Variants in NODAL observed in about 807,000 individuals in gnomAD.
NODAL encodes the protein nodal homolog.
A neutral mutation model predicts 34.0 loss-of-function variants in NODAL; 12 were observed. That is an observed-to-expected ratio of 0.35 (90% CI 0.23 to 0.57). The LOEUF (loss-of-function observed/expected upper bound fraction) is 0.57. Ranked by LOEUF, NODAL falls within the 20% of genes least tolerant of loss-of-function variation. The pLI, the probability that NODAL is intolerant of heterozygous loss-of-function variation, is 0.83. For missense variants in NODAL, 390 were observed against 444.2 expected, an observed-to-expected ratio of 0.88 and a Z score of 1.10; for synonymous variants, 162 against 186.4, an observed-to-expected ratio of 0.87 and a Z score of 1.07.
intron 1 of NODAL, among the ~76,000 whole-genome samples, chr10:70,439,550 A>G (rs1311490138): frequency 6.6e-6 from 1 of 152,204 alleles, no homozygotes; most frequent in Non-Finnish European, 1.5e-5. Context: ...GAGAAAACTG[A>G]AGGTCCAAGG....
At position 70,435,396 on chromosome 10, in the gene NODAL, A is replaced by G; in HGVS notation, c.781T>C (p.Trp261Arg). 6.2e-7 allele frequency: 1 copy of G among 1,614,114 alleles called. No individual in the cohort carries two copies. The highest frequency in any genetic ancestry group is 8.5e-7 in the Non-Finnish European group (1 of 1,180,036). Reference protein sequence around the residue: ...KFQVDFNLIGWGSWIIYPKQY... With the variant: ...KFQVDFNLIGRGSWIIYPKQY... ...TTGGGGTAGATGATCCAGGAGCCCC[A>G]TCCGATCAGGTTGAAGTCCACCTGG... Residue 261 changes from tryptophan (W) to arginine (R), a missense_variant, in exon 2 of 3, where the codon TGG (tryptophan) becomes CGG (arginine). Transcript: ENST00000287139.
Position 70,441,640 on chromosome 10 carries a change from G to T in NODAL, c.28C>A (p.Leu10Met), listed in dbSNP as rs563120968. Residue 10 changes from leucine to methionine, a missense_variant, in exon 1 of 3, where the codon CTG becomes ATG. Coordinates refer to ENST00000287139, the MANE Select transcript of NODAL (RefSeq NM_018055.5). MHAHCLPFL[L>M]HAWWALLQAG... ...TGGAGTAGGGCCCACCAGGCGTGCA[G>T]AAGGAAGGGCAGGCAGTGGGCGTGC... 6.4e-6 allele frequency: 10 copies of T among 1,551,128 alleles called. No homozygotes were observed. In the South Asian group the frequency reaches 9.5e-5, roughly 15 times the overall value.
chr10:70,441,437 G>T, intron 1 of NODAL, 38 bp downstream of exon 1: 2 of 1,543,910 alleles, frequency 1.3e-6, no homozygotes, highest in South Asian at 2.4e-5. Flanking sequence ...AGGCGCCCCG[G>T]GGGTGCCCAG....
intron 1 of NODAL, among the ~76,000 whole-genome samples, chr10:70,436,999 GAC>G (rs1038963165): frequency 6.6e-6 from 1 of 152,108 alleles, no homozygotes; most frequent in Non-Finnish European, 1.5e-5. Flanking sequence ...TCACCCAGAA[GAC>G]ACACACACCC....
At chr10:70,443,281 C>T (rs1221722476), upstream of NODAL, among the ~76,000 whole-genome samples, 2 of 152,204 alleles carry the variant, frequency 1.3e-5, no homozygotes, top group African/African-American at 4.8e-5. Flanking sequence ...GGGCTGTCCA[C>T]CACATGAGCC....
chr10:70,435,622 G>T lies in NODAL; in HGVS notation c.555C>A (p.Pro185=), dbSNP rs368748141. The change falls in exon 2 of 3, where the codon CCC becomes CCA. Residue 185 remains proline (P), a synonymous_variant. Coordinates refer to ENST00000287139, the MANE Select transcript of NODAL (RefSeq NM_018055.5). ...RVAGECWPRP[P]TPPATNVLLM... ...GGAGCACATTGGTGGCAGGCGGTGT[G>T]GGGGGCCGCGGCCAGCACTCTCCAG... The T allele has an allele frequency of 2.0e-4, 330 of 1,613,788 alleles. 2 individuals carry two copies. The highest frequency in any genetic ancestry group is 1.2e-5 in the Non-Finnish European group (14 of 1,179,932).
At position 70,432,292 on chromosome 10, in the gene NODAL, A is replaced by C. The variant is rs1845273801; in HGVS notation, c.*644T>G. 1 of 156,320 alleles carries C rather than the reference A, an allele frequency of 6.4e-6. No individual in the cohort carries two copies. Among genetic ancestry groups the C allele is most frequent in the Admixed American group, 6.1e-5 (1 of 16,278 alleles). The allele number at this position is 156,320 out of a possible 1,614,324, so 9.7% of individuals were successfully genotyped here. On this transcript the variant is annotated 3_prime_UTR_variant, in exon 3 of 3. Transcript: ENST00000287139. ...TGGATGAGTTCCTGCCTCTGCCTTC[A>C]CAGGCACCAGCTGGCCCAGGAGAAC...
chr10:70,439,600 T>G (rs1314317145), intron 1 of NODAL, among the ~76,000 whole-genome samples: 1 of 152,194 alleles, frequency 6.6e-6, no homozygotes, highest in Non-Finnish European at 1.5e-5. Context: ...TAAACCCAAT[T>G]GGACTCCAAC....
At chr10:70,445,003 G>C (rs1202516266), upstream of NODAL, among the ~76,000 whole-genome samples, 1 of 152,060 alleles carries the variant, frequency 6.6e-6, no homozygotes, top group African/African-American at 2.4e-5. Context: ...CTCTGACCAG[G>C]ACTCAGGTTC....
chr10:70,441,419 C>T, intron 1 of NODAL, 56 bp downstream of exon 1: 2 of 1,526,358 alleles, frequency 1.3e-6, no homozygotes, highest in Admixed American at 2.0e-5. Flanking sequence ...GCTGGCTGGA[C>T]GCGGCGGAGG....
chr10:70,441,976 G>A (rs116564324), upstream of NODAL, among the ~76,000 whole-genome samples: 632 of 152,276 alleles, frequency 4.2e-3, 8 homozygotes, highest in African/African-American at 0.014. Context: ...AGACAGAGCA[G>A]GCTTGTCCCG....
chr10:70,432,889 C>T lies in NODAL; in HGVS notation c.*47G>A, dbSNP rs1215516485. The T allele has an allele frequency of 1.2e-6, 2 of 1,608,374 alleles. No homozygotes were observed. The highest frequency in any genetic ancestry group is 2.2e-5 in the East Asian group (1 of 44,836). ...GGTTATCATGTCTTCCAGGAGTTTC[C>T]CAGCCTTCCAGAGTGCAGGCAAATC... On this transcript the variant is annotated 3_prime_UTR_variant, in exon 3 of 3. Coordinates refer to ENST00000287139, the MANE Select transcript of NODAL (RefSeq NM_018055.5).
chr10:70,442,623 C>T (rs995199109), upstream of NODAL, among the ~76,000 whole-genome samples: 5 of 152,194 alleles, frequency 3.3e-5, no homozygotes, highest in African/African-American at 1.2e-4. Context: ...ATCCGTTTTC[C>T]TTTACACCTG....
At chr10:70,444,277 A>T (rs1589155353), upstream of NODAL, among the ~76,000 whole-genome samples, 2 of 150,958 alleles carry the variant, frequency 1.3e-5, no homozygotes, top group East Asian at 4.0e-4. Context: ...CAGATTTAGA[A>T]TTTGGTGAGA....
chr10:70,447,075 C>CTTCT (rs1554851074), intron 1 of NODAL, among the ~76,000 whole-genome samples: 2 of 134,740 alleles, frequency 1.5e-5, no homozygotes, highest in African/African-American at 2.8e-5. Flanking sequence ...TCTTCTTCTT[C>CTTCT]TTTTTTTTTT....
intron 1 of NODAL, among the ~76,000 whole-genome samples, chr10:70,439,751 C>T (rs1417223332): frequency 6.6e-6 from 1 of 152,184 alleles, no homozygotes; most frequent in South Asian, 2.1e-4. Context: ...CAATTCACAA[C>T]GTAACTGTGC....
upstream of NODAL, among the ~76,000 whole-genome samples, chr10:70,443,826 T>C (rs1413926023): frequency 6.6e-6 from 1 of 150,620 alleles, no homozygotes; most frequent in South Asian, 2.1e-4. Context: ...GCAACAAGAG[T>C]GAAACTCCGT....
Position 70,432,739 on chromosome 10 carries a change from C to T in NODAL, c.*197G>A, listed in dbSNP as rs1398511579. The T allele has an allele frequency of 9.4e-6, 6 of 640,578 alleles. No homozygotes were observed. Among genetic ancestry groups the T allele is most frequent in the Non-Finnish European group, 1.7e-5 (6 of 357,816 alleles). 39.7% of individuals were successfully genotyped at this position (640,578 alleles called of 1,614,324 possible). A position where few individuals can be genotyped will look rare whatever the true frequency, so the allele number is the denominator to read the frequency against. On this transcript the variant is annotated 3_prime_UTR_variant, in exon 3 of 3. Transcript: ENST00000287139. ...CAGGCTTCTTCCTCCCTCTTCCTGA[C>T]AGCAGCCTCTGTGCTTGGCCAGACT...
rs1160495451 is a variant in NODAL at position 70,438,098 on chromosome 10, T to G, written c.194-2115A>C. Among the ~76,000 whole-genome samples the G allele has an allele frequency of 2.6e-5, 4 of 151,968 alleles. No individual in the cohort carries two copies. The East Asian group carries it at 7.7e-4, about 29-fold the overall frequency. On this transcript the variant is annotated intron_variant, in intron 1 of 2. Coordinates refer to ENST00000287139, the MANE Select transcript of NODAL (RefSeq NM_018055.5). ...TGAGGTCAGAAGTTCGAGACCAGCC[T>G]GATCAACATGGTGAAACCCTGTCTC...
Sources: gnomAD v4.1 joint callset for allele counts (sites outside exome capture counted in the v4.1 genomes callset) on GRCh38, gnomAD v4.1.1 for gene constraint, MANE v1.5 for transcripts, NCBI Gene and HGNC (gene_info 2026-07-23, HGNC 2026-07-21) for gene names.